TMTC1: variants seen among roughly 807,000 people sequenced by gnomAD.
TMTC1 encodes the protein transmembrane O-mannosyltransferase targeting cadherins 1, also known as protein O-mannosyl-transferase TMTC1.
Under a neutral mutation model 104.8 loss-of-function variants are expected in TMTC1, and 73 were observed. The observed-to-expected ratio is 0.70, with a 90% confidence interval of 0.58 to 0.85. The LOEUF (loss-of-function observed/expected upper bound fraction) is 0.85, where lower values mean the gene tolerates loss of function less well. Ranked by LOEUF, TMTC1 falls within the 40% of genes least tolerant of loss-of-function variation. The pLI is 0.00. For synonymous variants in TMTC1, 434 were observed against 428.7 expected, an observed-to-expected ratio of 1.01 and a Z score of -0.15; for missense variants, 1,035 against 1,096.1, an observed-to-expected ratio of 0.94 and a Z score of 0.79.
intron 5 of TMTC1, among the ~76,000 whole-genome samples, chr12:29,725,146 T>G (rs1471180226): frequency 1.4e-5 from 2 of 147,132 alleles, no homozygotes; most frequent in Non-Finnish European, 3.0e-5. Context: ...GCCTCCCGAA[T>G]AGCTGGAATT....
intron 5 of TMTC1, among the ~76,000 whole-genome samples, chr12:29,665,211 C>T (rs1940227631): frequency 6.6e-6 from 1 of 152,152 alleles, no homozygotes. Flanking sequence ...GTTGACCCTT[C>T]ACCTGGAGGA....
chr12:29,507,718 C>T (rs1943730779), intron 17 of TMTC1, among the ~76,000 whole-genome samples: 1 of 152,124 alleles, frequency 6.6e-6, no homozygotes, highest in Non-Finnish European at 1.5e-5. Context: ...AGAAGGGGTC[C>T]CTGGCAACTC....
chr12:29,615,566 A>G (rs563968139), intron 6 of TMTC1, among the ~76,000 whole-genome samples: 1 of 152,324 alleles, frequency 6.6e-6, no homozygotes, highest in East Asian at 1.9e-4. Flanking sequence ...GAGCTCTTCT[A>G]GGTGAAACTT....
chr12:29,735,556 T>C (rs1270683230), intron 5 of TMTC1, among the ~76,000 whole-genome samples: 1 of 152,252 alleles, frequency 6.6e-6, no homozygotes, highest in Non-Finnish European at 1.5e-5. Flanking sequence ...TCCAGGATTA[T>C]ATACAGTAAA....
intron 7 of TMTC1, 35 bp downstream of exon 7, chr12:29,604,143 A>C: frequency 1.9e-6 from 3 of 1,610,968 alleles, no homozygotes; most frequent in Non-Finnish European, 2.5e-6. Context: ...GACAGAGGGC[A>C]GGTCTTGTAG....
intron 6 of TMTC1, among the ~76,000 whole-genome samples, chr12:29,624,645 C>T (rs1018953837): frequency 2.0e-5 from 3 of 151,602 alleles, no homozygotes; most frequent in South Asian, 4.1e-4. Flanking sequence ...ACATGGCTCA[C>T]CCTTGCACTT....
intron 5 of TMTC1, among the ~76,000 whole-genome samples, chr12:29,714,661 C>CG (rs1942029005): frequency 6.6e-6 from 1 of 152,220 alleles, no homozygotes; most frequent in Admixed American, 6.5e-5. Context: ...GGGGTACCCC[C>CG]CCTGGATTTG....
chr12:29,507,109 T>C (rs997983639), intron 17 of TMTC1, 123 bp from the exon 18 acceptor site: 67 of 763,764 alleles, frequency 8.8e-5, no homozygotes, highest in East Asian at 6.0e-4. Flanking sequence ...ATGGAAACTC[T>C]GTCTGTATGT....
chr12:29,754,681 G>A (rs761632805), intron 4 of TMTC1, among the ~76,000 whole-genome samples: 11 of 152,182 alleles, frequency 7.2e-5, no homozygotes, highest in Middle Eastern at 3.2e-3. Flanking sequence ...CTTGGCACGA[G>A]TTTGGGTCAA....
At chr12:29,637,533 G>A (rs1187972076) in intron 5 of TMTC1, among the ~76,000 whole-genome samples, 1 of 152,136 alleles carries the variant, frequency 6.6e-6, no homozygotes, top group African/African-American at 2.4e-5. Flanking sequence ...AGCCAGAAAA[G>A]AGTAAAGAGG....
intron 10 of TMTC1, among the ~76,000 whole-genome samples, chr12:29,542,858 A>G (rs1046655098): frequency 6.6e-6 from 1 of 152,104 alleles, no homozygotes; most frequent in South Asian, 2.1e-4. Flanking sequence ...CTGGGGTAAT[A>G]CTGCAATGAA....
intron 6 of TMTC1, among the ~76,000 whole-genome samples, chr12:29,611,101 A>T (rs1263427941): frequency 6.6e-6 from 1 of 152,186 alleles, no homozygotes. Context: ...ACTAATGAAC[A>T]GAGCACCGAA....
At chr12:29,507,066 A>G in intron 17 of TMTC1, 80 bp from the exon 18 acceptor site, 1 of 1,203,360 alleles carries the variant, frequency 8.3e-7, no homozygotes, top group Non-Finnish European at 1.2e-6. Flanking sequence ...TAAGAAACTG[A>G]CCCTCTGCCC....
intron 5 of TMTC1, among the ~76,000 whole-genome samples, chr12:29,679,029 C>A (rs1940824392): frequency 6.6e-6 from 1 of 152,054 alleles, no homozygotes; most frequent in Non-Finnish European, 1.5e-5. Context: ...TAATAAAAAA[C>A]CTGGATACAA....
intron 11 of TMTC1, chr12:29,534,841 G>T (rs557732949): frequency 5.9e-5 from 9 of 152,234 alleles, no homozygotes; most frequent in African/African-American, 2.2e-4. Context: ...GTTTTAGATG[G>T]TGATAAATAC....
chr12:29,618,437 TCTG>T (rs1323986615), intron 6 of TMTC1, among the ~76,000 whole-genome samples: 5 of 152,224 alleles, frequency 3.3e-5, no homozygotes, highest in African/African-American at 1.2e-4. Flanking sequence ...CACCAATGTT[TCTG>T]CTATGTAATA....
At position 29,783,605 on chromosome 12, in the gene TMTC1, G is replaced by C. The variant is rs1384080456; in HGVS notation, c.147C>G (p.Phe49Leu). ...LCYGRSLQGE[F>L]VHDDVWAIVN... ...CGATCGCCCACACGTCGTCGTGCAC[G>C]AACTCGCCCTGCAGGGAGCGGCCGT... Residue 49 changes from phenylalanine to leucine, a missense_variant, in exon 1 of 18, where the codon TTC (phenylalanine) becomes TTG (leucine). By Grantham distance (22) the Phe-to-Leu change is conservative. Transcript: ENST00000539277. The surrounding 1 kb of genome is among the most constrained non-coding windows in gnomAD (Gnocchi z 4.7). 6.8e-6 allele frequency: 10 copies of C among 1,476,870 alleles called. No homozygotes were observed. The East Asian group carries it at 2.3e-4, about 34-fold the overall frequency. The allele number at this position is 1,476,870 out of a possible 1,614,324, so 91.5% of individuals were successfully genotyped here.
At chr12:29,660,037 T>C (rs1939942440) in intron 5 of TMTC1, 2 of 1,369,382 alleles carry the variant, frequency 1.5e-6, no homozygotes, top group East Asian at 2.5e-5. Flanking sequence ...TCCACCCTTT[T>C]TGCAGGTGCA....
chr12:29,528,061 A>G (rs190094997), intron 11 of TMTC1, among the ~76,000 whole-genome samples: 1 of 152,312 alleles, frequency 6.6e-6, no homozygotes, highest in East Asian at 1.9e-4. Flanking sequence ...AAAAAACAAA[A>G]CACTTCTCCA....
Sources: allele counts gnomAD v4.1 joint callset (sites outside exome capture counted in the v4.1 genomes callset), GRCh38; gene constraint gnomAD v4.1.1; non-coding constraint Gnocchi (gnomAD v3.1); transcripts MANE v1.5; gene names NCBI Gene and HGNC (gene_info 2026-07-23, HGNC 2026-07-21).